VPS13D: variants seen among roughly 807,000 people sequenced by gnomAD.
VPS13D encodes the protein intermembrane lipid transfer protein VPS13D.
VPS13D carries 187 observed loss-of-function variants against 461.9 expected under a neutral mutation model. The ratio of observed to expected loss-of-function variants is 0.40; its 90% confidence interval spans 0.36 to 0.46. VPS13D has a LOEUF of 0.46. VPS13D is among the 20% of genes least tolerant of loss of function. VPS13D has a pLI of 0.60. For synonymous variants in VPS13D, 1,951 were observed against 1,986.3 expected (o/e 0.98, Z 0.47); for missense variants, 4,711 against 5,364.9 (o/e 0.88, Z 3.81).
chr1:12,422,179 C>G (rs11580926), intron 65 of VPS13D, among the ~76,000 whole-genome samples: 2 of 152,116 alleles, frequency 1.3e-5, no homozygotes, highest in Admixed American at 1.3e-4. Flanking sequence ...GCTTTTGATT[C>G]TGGGTACCTT....
chr1:12,294,432 A>G (rs1642218048), intron 24 of VPS13D, among the ~76,000 whole-genome samples: 1 of 152,242 alleles, frequency 6.6e-6, no homozygotes, highest in South Asian at 2.1e-4. Flanking sequence ...TGAAAGGAGT[A>G]TAGAATGATC....
At chr1:12,288,385 T>G in intron 22 of VPS13D, 72 bp downstream of exon 22, 1 of 1,357,590 alleles carries the variant, frequency 7.4e-7, no homozygotes, top group Non-Finnish European at 1.1e-6. Context: ...GATCACAAAT[T>G]GATTGTCCTC....
intron 67 of VPS13D, among the ~76,000 whole-genome samples, chr1:12,467,591 GAA>G (rs1444462912): frequency 7.2e-5 from 11 of 152,158 alleles, no homozygotes; most frequent in Non-Finnish European, 1.3e-4. Context: ...CCCTCTCGCT[GAA>G]CTCTAAATAC....
In VPS13D at chr1:12,314,140, C is replaced by T; in HGVS notation, c.6961C>T (p.Leu2321Phe). 6.2e-7 allele frequency: 1 copy of T among 1,614,136 alleles called. No individual in the cohort carries two copies. Among genetic ancestry groups the T allele is most frequent in the South Asian group, 1.1e-5 (1 of 91,072 alleles). The change falls in exon 30 of 70, where the codon CTC becomes TTC. Residue 2321 changes from leucine to phenylalanine, a missense_variant. By Grantham distance (22) the Leu-to-Phe change is conservative. This residue lies in a region of VPS13D where 4,411 missense variants were observed against 4,937.8 expected (regional missense o/e 0.89). Coordinates refer to ENST00000620676, the MANE Select transcript of VPS13D (RefSeq NM_015378.4). ...ATTTGACTTCAAGAAATGCAAACTG[C>T]TCTATGAAAGTTTTTCCAACCAAAC... ...ARFDFKKCKL[L>F]YESFSNQTKS... is the part of the protein sequence containing the mutation.
chr1:12,382,298 C>T (rs1644293584), intron 57 of VPS13D, among the ~76,000 whole-genome samples: 1 of 152,044 alleles, frequency 6.6e-6, no homozygotes, highest in Admixed American at 6.6e-5. Flanking sequence ...GATAGGGTTT[C>T]ACCATGTTGA....
intron 67 of VPS13D, among the ~76,000 whole-genome samples, chr1:12,466,589 T>G (rs1380341088): frequency 6.6e-6 from 1 of 152,252 alleles, no homozygotes; most frequent in Non-Finnish European, 1.5e-5. Context: ...CTGTGGCTCC[T>G]GCCTCATACT....
At chr1:12,350,476 A>G (rs1643769511) in intron 46 of VPS13D, among the ~76,000 whole-genome samples, 1 of 152,198 alleles carries the variant, frequency 6.6e-6, no homozygotes, top group Non-Finnish European at 1.5e-5. Context: ...TTTGAATCAA[A>G]AGGTAATAAA....
intron 46 of VPS13D, among the ~76,000 whole-genome samples, chr1:12,351,890 C>T (rs1012001591): frequency 1.3e-5 from 2 of 151,984 alleles, no homozygotes; most frequent in Non-Finnish European, 1.5e-5. Flanking sequence ...CTGTGCCCAG[C>T]CCTTTATCAA....
intron 63 of VPS13D, among the ~76,000 whole-genome samples, chr1:12,411,175 C>T (rs1450814596): frequency 1.3e-5 from 2 of 152,032 alleles, no homozygotes; most frequent in Admixed American, 6.6e-5. Context: ...ATAAAAAGTT[C>T]GTTATTTGTA....
chr1:12,319,399 T>C, intron 31 of VPS13D, 98 bp from the exon 32 acceptor site: 2 of 1,531,422 alleles, frequency 1.3e-6, no homozygotes, highest in South Asian at 1.2e-5. Context: ...TGGTTCATGT[T>C]GTTGCCTGGT....
At chr1:12,429,318 G>A (rs1370378271) in intron 65 of VPS13D, among the ~76,000 whole-genome samples, 1 of 150,814 alleles carries the variant, frequency 6.6e-6, no homozygotes, top group Non-Finnish European at 1.5e-5. Context: ...TTGAGATGGA[G>A]TTTCACTCTT....
chr1:12,322,781 C>G (rs1455945753), intron 34 of VPS13D, 35 bp downstream of exon 34: 1 of 1,583,762 alleles, frequency 6.3e-7, no homozygotes, highest in Non-Finnish European at 8.6e-7. Flanking sequence ...CTCAGTCTTG[C>G]TAATAACGCT....
chr1:12,414,955 T>C, intron 63 of VPS13D, 132 bp from the exon 64 acceptor site: 2 of 1,047,302 alleles, frequency 1.9e-6, no homozygotes, highest in Non-Finnish European at 2.7e-6. Context: ...AAAATCCTTA[T>C]TTATAAACAT....
In VPS13D at chr1:12,485,444, A is replaced by G. The variant is rs150174236; in HGVS notation, c.12663-12056A>G. Among the ~76,000 whole-genome samples, 361 of 152,328 alleles carry G rather than the reference A, an allele frequency of 2.4e-3. 2 individuals carry two copies. Among genetic ancestry groups the G allele is most frequent in the African/African-American group, 8.3e-3 (343 of 41,566 alleles). ...GTGGCCCTTGGCCCTGCCGTGTCAT[A>G]TGGCACAAGAGCCCTTCTGGCCCGC... On this transcript the variant is annotated intron_variant, in intron 67 of 69. Coordinates refer to ENST00000620676, the MANE Select transcript of VPS13D (RefSeq NM_015378.4).
rs776968567 is a variant in VPS13D, at chr1:12,318,346, A to G, written c.7414+9A>G. The G allele has an allele frequency of 1.6e-5, 25 of 1,600,602 alleles. No individual in the cohort carries two copies. The highest frequency in any genetic ancestry group is 3.3e-4 in the Middle Eastern group (2 of 6,028). On this transcript the variant is annotated intron_variant, in intron 31 of 69. Transcript: ENST00000620676. ...CAAGGTCAATGTAACAGGTGATTAT[A>G]TGTGGGTGTGATTCATTGGTGCTTA...
At position 12,282,805 on chromosome 1, in the gene VPS13D, C is replaced by G. The variant is rs764056619; in HGVS notation, c.4703C>G (p.Ser1568Cys). The change falls in exon 21 of 70, where the codon TCC becomes TGC. Residue 1568 changes from serine to cysteine, a missense_variant. Ser to Cys is a moderately radical substitution (Grantham distance 112). Transcript: ENST00000620676. ...LNKYPASATS[S>C]PCPDSPLPPL... Reference sequence around the variant, plus strand: ...AAGTATCCAGCCAGTGCTACCTCCTCCCCTTGCCCTGATTCTCCTCTGCCT... The same window carrying G: ...AAGTATCCAGCCAGTGCTACCTCCTGCCCTTGCCCTGATTCTCCTCTGCCT... 1 of 1,614,144 alleles carries G rather than the reference C, an allele frequency of 6.2e-7. No homozygotes were observed. Among genetic ancestry groups the G allele is most frequent in the South Asian group, 1.1e-5 (1 of 91,084 alleles).
intron 67 of VPS13D, among the ~76,000 whole-genome samples, chr1:12,483,621 G>T (rs763728870): frequency 2.0e-5 from 3 of 151,932 alleles, no homozygotes; most frequent in Non-Finnish European, 2.9e-5. Context: ...GGTGAATTCC[G>T]TTCCTGTAAG....
At position 12,385,364 on chromosome 1, in the gene VPS13D, G is replaced by C. The variant is rs1230942480; in HGVS notation, c.11475G>C (p.Gln3825His). 3 of 1,610,982 alleles carry C rather than the reference G, an allele frequency of 1.9e-6. No individual in the cohort carries two copies. Among genetic ancestry groups the C allele is most frequent in the Non-Finnish European group, 2.5e-6 (3 of 1,178,710 alleles). The change falls in exon 59 of 70, where the codon CAG (glutamine) becomes CAC (histidine). Residue 3825 changes from glutamine to histidine, a missense_variant. Gln to His is a conservative substitution (Grantham distance 24). Around this residue, in one of 3 missense-constraint regions of VPS13D, gnomAD observed 4,411 missense variants for 4,937.8 expected, o/e 0.89. Transcript: ENST00000620676. ...LQKLKNPDTE[Q>H]ELEVLVRLEG... ...AATTAAAGAATCCAGATACAGAGCA[G>C]GAATTGGAAGTAAGGTCTAAATATT...
At chr1:12,363,380 A>G in intron 52 of VPS13D, 133 bp downstream of exon 52, 2 of 944,144 alleles carry the variant, frequency 2.1e-6, no homozygotes, top group South Asian at 3.6e-5. Context: ...TGCAAAGTCC[A>G]GGGAAGTGTG....
Sources: allele counts gnomAD v4.1 joint callset (sites outside exome capture counted in the v4.1 genomes callset), GRCh38; gene constraint gnomAD v4.1.1; regional missense constraint gnomAD v4.1.1; transcripts MANE v1.5; gene names NCBI Gene and HGNC (gene_info 2026-07-23, HGNC 2026-07-21).